The following NALCN variants were observed in gnomAD, a reference collection of about 807,000 sequenced individuals.
NALCN encodes the protein sodium leak channel NALCN.
A neutral mutation model predicts 225.3 loss-of-function variants in NALCN; 111 were observed. The observed-to-expected ratio is 0.49, with a 90% CI of 0.42 to 0.58. NALCN has a LOEUF of 0.58. Ranked by LOEUF, NALCN falls within the 20% of genes least tolerant of loss-of-function variation. The probability of loss-of-function intolerance (pLI) is 0.00; values close to 1 mark genes in which losing one functional copy is unlikely to be tolerated. For missense variants in NALCN, 1,378 were observed against 2,202.4 expected (o/e 0.63, Z 7.49); for synonymous variants, 764 against 769.0 (o/e 0.99, Z 0.11).
intron 7 of NALCN, among the ~76,000 whole-genome samples, chr13:101,329,670 C>T (rs2045088125): frequency 6.6e-6 from 1 of 152,082 alleles, no homozygotes; most frequent in Admixed American, 6.6e-5. Flanking sequence ...TATAAAAATA[C>T]ATTTAGAATA....
chr13:101,158,693 T>A (rs566214380), intron 15 of NALCN, among the ~76,000 whole-genome samples: 1 of 152,326 alleles, frequency 6.6e-6, no homozygotes, highest in East Asian at 1.9e-4. Context: ...GTGGCTGAAC[T>A]GAGTAGAGCT....
intron 10 of NALCN, among the ~76,000 whole-genome samples, chr13:101,259,751 T>TATATATATATATACAC (rs10622707): frequency 6.1e-5 from 8 of 131,934 alleles, no homozygotes; most frequent in Admixed American, 4.7e-4. Context: ...TATATATATA[T>TATATATATATATACAC]ACACACACAC....
intron 7 of NALCN, among the ~76,000 whole-genome samples, chr13:101,316,374 T>C (rs1416606285): frequency 3.3e-5 from 5 of 152,190 alleles, no homozygotes; most frequent in African/African-American, 1.2e-4. Flanking sequence ...TGTTCATAAG[T>C]GAGAGAGACC....
At chr13:101,348,295 T>C (rs901755589) in intron 6 of NALCN, among the ~76,000 whole-genome samples, 1 of 152,160 alleles carries the variant, frequency 6.6e-6, no homozygotes, top group Non-Finnish European at 1.5e-5. Context: ...CAATCCATAA[T>C]GGTGTGAAAA....
rs35072635 is a variant in NALCN, at chr13:101,233,339, A to ATTTT, written c.1435-3759_1435-3756dup. The stretch of plus-strand genomic sequence containing the variant: ...TCTGAAATTCATGTTCTTGGGAAGA[A>ATTTT]TTTTTTTTTTTTTTTTTGTGAGACG... On this transcript the variant is annotated intron_variant, in intron 12 of 43. Transcript: ENST00000251127. Among the ~76,000 whole-genome samples the ATTTT allele has an allele frequency of 6.5e-3, 913 of 139,926 alleles. 20 individuals carry two copies. The highest frequency in any genetic ancestry group is 0.023 in the African/African-American group (870 of 37,338). The allele number at this position is 139,926 out of a possible 152,430, so 91.8% of individuals were successfully genotyped here.
At chr13:101,192,080 A>T (rs1460134797) in intron 13 of NALCN, 26 bp from the exon 14 acceptor site, 1 of 1,580,460 alleles carries the variant, frequency 6.3e-7, no homozygotes, top group Non-Finnish European at 8.5e-7. Context: ...CAAAGGTATT[A>T]CACACTAGCT....
intron 40 of NALCN, among the ~76,000 whole-genome samples, chr13:101,064,498 A>T (rs1594124016): frequency 6.6e-6 from 1 of 152,240 alleles, no homozygotes; most frequent in East Asian, 1.9e-4. Flanking sequence ...ACAGTGGAGT[A>T]GAATGGACTC....
intron 10 of NALCN, among the ~76,000 whole-genome samples, chr13:101,263,739 CCATT>C (rs2042507475): frequency 6.6e-6 from 1 of 152,136 alleles, no homozygotes; most frequent in Non-Finnish European, 1.5e-5. Context: ...ACTATAATCA[CCATT>C]GCTTAGCTGA....
chr13:101,072,700 A>G (rs577841274), intron 37 of NALCN, among the ~76,000 whole-genome samples: 3 of 152,316 alleles, frequency 2.0e-5, no homozygotes, highest in African/African-American at 4.8e-5. Flanking sequence ...AGGCGGCCCT[A>G]TCTCTTCTTC....
Position 101,124,928 on chromosome 13 carries a change from G to A in NALCN, c.2119-247C>T, listed in dbSNP as rs16958418. 0.015 allele frequency among the ~76,000 whole-genome samples: 2,354 copies of A among 152,208 alleles called. 70 individuals carry two copies. Among genetic ancestry groups the A allele is most frequent in the African/African-American group, 0.053 (2,219 of 41,506 alleles). Reference sequence around the variant, plus strand: ...GTGCCTCACTCTGATAATGGCCTTCGTCTGAATAAAATTTTCAGTTTCCAA... The same window carrying A: ...GTGCCTCACTCTGATAATGGCCTTCATCTGAATAAAATTTTCAGTTTCCAA... On this transcript the variant is annotated intron_variant, in intron 17 of 43. Coordinates refer to ENST00000251127, the MANE Select transcript of NALCN (RefSeq NM_052867.4).
chr13:101,266,985 G>C (rs1026538791), intron 10 of NALCN, among the ~76,000 whole-genome samples: 3 of 152,172 alleles, frequency 2.0e-5, no homozygotes, highest in Admixed American at 6.5e-5. Flanking sequence ...CCATCTGTCT[G>C]TTCCTGATGC....
At chr13:101,289,418 C>T (rs2043464193) in intron 9 of NALCN, among the ~76,000 whole-genome samples, 1 of 152,000 alleles carries the variant, frequency 6.6e-6, no homozygotes, top group East Asian at 1.9e-4. Context: ...AGAAACAGTT[C>T]TCATCACAGA....
intron 7 of NALCN, among the ~76,000 whole-genome samples, chr13:101,339,524 A>G (rs1423429008): frequency 6.6e-6 from 1 of 152,182 alleles, no homozygotes; most frequent in East Asian, 1.9e-4. Context: ...CTCAGTTGTC[A>G]CGTGGCTCAG....
chr13:101,401,014 A>C (rs1214168424), intron 1 of NALCN, among the ~76,000 whole-genome samples: 1 of 152,142 alleles, frequency 6.6e-6, no homozygotes, highest in Non-Finnish European at 1.5e-5. Flanking sequence ...AGCCATGCAG[A>C]ATGGAGTCAA....
chr13:101,135,875 G>A (rs905130082), intron 17 of NALCN, among the ~76,000 whole-genome samples: 3 of 152,042 alleles, frequency 2.0e-5, no homozygotes, highest in East Asian at 3.8e-4. Flanking sequence ...ATTTAGCAGC[G>A]GCCTTAACTC....
At chr13:101,194,727 G>C (rs1331442032) in intron 13 of NALCN, among the ~76,000 whole-genome samples, 1 of 152,218 alleles carries the variant, frequency 6.6e-6, no homozygotes, top group African/African-American at 2.4e-5. Flanking sequence ...ATACTGGCTG[G>C]GCATGATGGC....
chr13:101,155,591 A>C (rs1485949867), intron 15 of NALCN, among the ~76,000 whole-genome samples: 1 of 152,172 alleles, frequency 6.6e-6, no homozygotes, highest in East Asian at 1.9e-4. Context: ...TTACTTGGGT[A>C]AGGTGATGTC....
chr13:101,068,589 T>C (rs765880212), intron 38 of NALCN, 106 bp downstream of exon 38: 3 of 1,206,268 alleles, frequency 2.5e-6, no homozygotes, highest in Non-Finnish European at 3.3e-6. Flanking sequence ...ATTAATGCCA[T>C]GAAACACCCA....
chr13:101,194,067 G>A (rs2039791166), intron 13 of NALCN, among the ~76,000 whole-genome samples: 1 of 152,140 alleles, frequency 6.6e-6, no homozygotes, highest in Admixed American at 6.6e-5. Context: ...AAAAATGTAA[G>A]TGCACCTTTC....
Sources: gnomAD v4.1 joint callset for allele counts (sites outside exome capture counted in the v4.1 genomes callset) on GRCh38, gnomAD v4.1.1 for gene constraint, MANE v1.5 for transcripts, NCBI Gene and HGNC (gene_info 2026-07-23, HGNC 2026-07-21) for gene names.